The following LOXHD1 variants were observed in gnomAD, a reference collection of about 807,000 sequenced individuals.
The protein encoded by LOXHD1 is lipoxygenase homology PLAT domains 1.
In LOXHD1, 205 loss-of-function variants were observed where a neutral mutation model predicts 248.2. That is an observed-to-expected ratio of 0.83 (90% CI 0.74 to 0.93). The LOEUF (loss-of-function observed/expected upper bound fraction) is 0.93. Ranked by LOEUF, LOXHD1 falls within the 40% of genes least tolerant of loss-of-function variation. The pLI, the probability that LOXHD1 is intolerant of heterozygous loss-of-function variation, is 0.00. For synonymous variants in LOXHD1, 1,113 were observed against 1,162.8 expected (o/e 0.96, Z 0.87); for missense variants, 2,930 against 2,971.6 (o/e 0.99, Z 0.33).
chr18:46,587,532 C>T lies in LOXHD1; in HGVS notation c.1654+4401G>A, dbSNP rs115531650. 8.4e-3 allele frequency among the ~76,000 whole-genome samples: 1,272 copies of T among 152,310 alleles called. 29 individuals are homozygous for T. Among genetic ancestry groups the T allele is most frequent in the African/African-American group, 0.03 (1,228 of 41,558 alleles). ...CTCTAGGAGCCCCTCTGAAACACCCCAGCCATGGATGTCCCGAGCTCCTTC... is the reference window on the plus strand; with the variant it reads ...CTCTAGGAGCCCCTCTGAAACACCCTAGCCATGGATGTCCCGAGCTCCTTC... On this transcript the variant is annotated intron_variant, in intron 12 of 40. Coordinates refer to ENST00000642948, the MANE Select transcript of LOXHD1 (RefSeq NM_001384474.1).
intron 5 of LOXHD1, among the ~76,000 whole-genome samples, chr18:46,617,540 T>TC (rs2038605323): frequency 1.1e-5 from 1 of 93,488 alleles, no homozygotes; most frequent in East Asian, 1.0e-3. Flanking sequence ...GAGATTTCTC[T>TC]TTTTTTTTTT....
rs192020492 is a variant in LOXHD1, at chr18:46,525,195, G to A, written c.4531-278C>T. ...TTTGGGAGAAGCCTGTGGGTGTTTC[G>A]AAGCCTCCTCTGTGTAAGGGGGCTG... is the stretch of plus-strand genomic sequence containing the variant. On this transcript the variant is annotated intron_variant, in intron 29 of 40. Transcript: ENST00000642948. Among the ~76,000 whole-genome samples the A allele has an allele frequency of 4.4e-3, 672 of 152,288 alleles. 4 individuals are homozygous for A. Among genetic ancestry groups the A allele is most frequent in the African/African-American group, 0.015 (626 of 41,562 alleles).
chr18:46,522,050 T>G, intron 32 of LOXHD1, 51 bp downstream of exon 32: 1 of 1,337,074 alleles, frequency 7.5e-7, no homozygotes. Context: ...ACTGGTCAGC[T>G]CTGTCTATCC....
chr18:46,637,094 C>T (rs1187068605), intron 4 of LOXHD1, among the ~76,000 whole-genome samples: 1 of 152,086 alleles, frequency 6.6e-6, no homozygotes, highest in South Asian at 2.1e-4. Context: ...TGAAGTGAGC[C>T]GAGATCGTGC....
chr18:46,479,570 T>A (rs1301703022), intron 40 of LOXHD1, among the ~76,000 whole-genome samples: 1 of 152,006 alleles, frequency 6.6e-6, no homozygotes, highest in Admixed American at 6.6e-5. Context: ...CAGATCTTGA[T>A]TTTCCCATTG....
chr18:46,494,046 A>T (rs1409443943), intron 37 of LOXHD1, among the ~76,000 whole-genome samples: 1 of 152,190 alleles, frequency 6.6e-6, no homozygotes, highest in Non-Finnish European at 1.5e-5. Flanking sequence ...TCCTCTGGAC[A>T]ATTTAGACCT....
At chr18:46,520,956 G>A in intron 33 of LOXHD1, 141 bp downstream of exon 33, 1 of 1,005,298 alleles carries the variant, frequency 9.9e-7, no homozygotes. Flanking sequence ...AAGTACATCT[G>A]GCTAGCACAC....
At chr18:46,641,191 G>A (rs7232787) in intron 3 of LOXHD1, among the ~76,000 whole-genome samples, 16 of 152,236 alleles carry the variant, frequency 1.1e-4, no homozygotes, top group African/African-American at 3.1e-4. Flanking sequence ...AAGAGAGTTC[G>A]TGATATTGTA....
chr18:46,557,812 G>T, intron 20 of LOXHD1: 1 of 1,269,340 alleles, frequency 7.9e-7, no homozygotes, highest in South Asian at 1.9e-5. Context: ...TGGGTGTTTT[G>T]TGTGCAAGAG....
In LOXHD1 at chr18:46,600,625, AAGGG is replaced by A. The variant is rs1339556389; in HGVS notation, c.1134+588_1134+591del. On this transcript the variant is annotated intron_variant, in intron 8 of 40. Transcript: ENST00000642948. The stretch of plus-strand genomic sequence containing the variant: ...AAAAAAAGGAAGGAAGGAAGGAAGG[AAGGG>A]AGGGAGGGAGGGACAAAAATTGCCA... Among the ~76,000 whole-genome samples, 475 of 85,432 alleles carry A rather than the reference AAGGG, an allele frequency of 5.6e-3. 1 individual carries two copies. Among genetic ancestry groups the A allele is most frequent in the Non-Finnish European group, 8.5e-3 (341 of 40,286 alleles). 56.0% of individuals were successfully genotyped at this position (85,432 alleles called of 152,430 possible).
At chr18:46,533,131 A>G in intron 28 of LOXHD1, 31 bp downstream of exon 28, 2 of 1,550,482 alleles carry the variant, frequency 1.3e-6, no homozygotes, top group Non-Finnish European at 1.7e-6. Context: ...GAGCCTTCCC[A>G]TGGTGATGAG....
intron 25 of LOXHD1, among the ~76,000 whole-genome samples, 176 bp from the exon 26 acceptor site, chr18:46,538,513 G>T (rs557992911): frequency 2.0e-5 from 3 of 152,164 alleles, no homozygotes; most frequent in Admixed American, 2.0e-4. Flanking sequence ...GCAACTGCAG[G>T]TGGGGTCCTG....
chr18:46,615,097 G>T (rs1219392797), intron 5 of LOXHD1, among the ~76,000 whole-genome samples: 2 of 152,158 alleles, frequency 1.3e-5, no homozygotes, highest in Non-Finnish European at 1.5e-5. Context: ...CAATCATAAG[G>T]CTTGGACCCC....
At chr18:46,580,780 T>G (rs1039813095) in intron 12 of LOXHD1, among the ~76,000 whole-genome samples, 2 of 152,194 alleles carry the variant, frequency 1.3e-5, no homozygotes, top group East Asian at 1.9e-4. Flanking sequence ...TATTTAGAGA[T>G]GCAGAAAAGG....
At chr18:46,597,578 A>ACACACACC (rs1491297350) in intron 8 of LOXHD1, among the ~76,000 whole-genome samples, 1 of 149,686 alleles carries the variant, frequency 6.7e-6, no homozygotes, top group Admixed American at 6.6e-5. Context: ...ACACACACAC[A>ACACACACC]CCCCTACCTG....
At position 46,524,714 on chromosome 18, in the gene LOXHD1, G is replaced by A. The variant is rs376338995; in HGVS notation, c.4734C>T (p.Tyr1578=). The A allele has an allele frequency of 6.5e-5, 101 of 1,551,594 alleles. No individual in the cohort carries two copies. The highest frequency in any genetic ancestry group is 1.2e-4 in the East Asian group (5 of 40,930). Residue 1578 remains tyrosine, a synonymous_variant, in exon 30 of 41, where the codon TAC becomes TAT. Transcript: ENST00000642948. ...KEDGRLERLF[Y]EKEYTGDRSS... is the part of the protein sequence containing the mutation. Reference sequence around the variant, plus strand: ...TATATACCCCTTGGCTCACCTTCTCGTAAAAGAGCCTCTCGAGTCGCCCAT... The same window carrying A: ...TATATACCCCTTGGCTCACCTTCTCATAAAAGAGCCTCTCGAGTCGCCCAT...
intron 9 of LOXHD1, 90 bp downstream of exon 9, chr18:46,594,241 G>A: frequency 6.7e-7 from 1 of 1,485,144 alleles, no homozygotes; most frequent in Non-Finnish European, 9.1e-7. Context: ...GGAGTGGACT[G>A]CCCTCATAGC....
At chr18:46,534,539 A>G (rs2036221291) in intron 26 of LOXHD1, 88 bp from the exon 27 acceptor site, 1 of 957,550 alleles carries the variant, frequency 1.0e-6, no homozygotes, top group Non-Finnish European at 1.6e-6. Flanking sequence ...CAGGGCATCC[A>G]CCCTGAGTCC....
intron 4 of LOXHD1, among the ~76,000 whole-genome samples, chr18:46,620,506 GA>G (rs2038653594): frequency 6.6e-6 from 1 of 152,246 alleles, no homozygotes; most frequent in South Asian, 2.1e-4. Flanking sequence ...AATCATTCCA[GA>G]AGGCAGAATT....
Sources: gnomAD v4.1 joint callset for allele counts (sites outside exome capture counted in the v4.1 genomes callset) on GRCh38, gnomAD v4.1.1 for gene constraint, MANE v1.5 for transcripts, NCBI Gene and HGNC (gene_info 2026-07-23, HGNC 2026-07-21) for gene names.